The following PTK7 variants were observed in gnomAD, a reference collection of about 807,000 sequenced individuals.
The protein encoded by PTK7 is protein tyrosine kinase 7 (inactive).
A neutral mutation model predicts 116.6 loss-of-function variants in PTK7; 39 were observed. The observed-to-expected ratio is 0.33, with a 90% CI of 0.26 to 0.44. The LOEUF (loss-of-function observed/expected upper bound fraction) is 0.44. Among genes scored for constraint, PTK7 ranks in the 20% least tolerant of loss-of-function variants. PTK7 has a pLI of 1.00. For missense variants in PTK7, 1,169 were observed against 1,425.6 expected, an observed-to-expected ratio of 0.82 and a Z score of 2.90; for synonymous variants, 546 against 563.6, an observed-to-expected ratio of 0.97 and a Z score of 0.44.
At chr6:43,080,732 A>G (rs1388313126) in intron 1 of PTK7, among the ~76,000 whole-genome samples, 3 of 152,200 alleles carry the variant, frequency 2.0e-5, no homozygotes, top group Non-Finnish European at 4.4e-5. Flanking sequence ...ACCTGAGGTC[A>G]GGAGTTCAAG....
In PTK7 at chr6:43,076,951, AG is replaced by A. The variant is rs1057471649; in HGVS notation, c.79+386del. ...ACCGTGGGGAGCGCGATGGAGAAAA[AG>A]GAATTCCCCACCCCACCCGGCAGGG... On this transcript the variant is annotated intron_variant, in intron 1 of 19. Transcript: ENST00000230419. This position sits in a 1 kb window ranked among gnomAD's most constrained non-coding sequence, Gnocchi z 5.7. 114 of 1,511,992 alleles carry A rather than the reference AG, an allele frequency of 7.5e-5. No individual in the cohort carries two copies. The African/African-American group carries it at 1.4e-3, about 19-fold the overall frequency. 93.7% of individuals were successfully genotyped at this position (1,511,992 alleles called of 1,614,324 possible). A position where few individuals can be genotyped will look rare whatever the true frequency, so the allele number is the denominator to read the frequency against.
intron 17 of PTK7, among the ~76,000 whole-genome samples, chr6:43,157,866 A>G (rs890137866): frequency 2.6e-5 from 4 of 152,138 alleles, no homozygotes. Flanking sequence ...AGCTGGGATT[A>G]TAGGCATGTG....
chr6:43,143,926 A>G lies in PTK7; in HGVS notation c.2251+306A>G, dbSNP rs958412194. 1.3e-5 allele frequency among the ~76,000 whole-genome samples: 2 copies of G among 152,196 alleles called. No homozygotes were observed. The highest frequency in any genetic ancestry group is 4.8e-5 in the African/African-American group (2 of 41,446). On this transcript the variant is annotated intron_variant, in intron 14 of 19. Coordinates refer to ENST00000230419, the MANE Select transcript of PTK7 (RefSeq NM_002821.5). This position sits in a 1 kb window ranked among gnomAD's most constrained non-coding sequence, Gnocchi z 4.2. ...GTATATGTACACACGTTGCTGTTGC[A>G]TGTCTTGTCTCCCTCTATGAGTCTA...
Position 43,141,570 on chromosome 6 carries a change from G to C in PTK7, c.1619-98G>C, listed in dbSNP as rs905419139. ...ACTTTGCCTGTGGGTGGTCAGGAGC[G>C]ATGGTGTGTTTTTGAGTAGAGGTGA... On this transcript the variant is annotated intron_variant, in intron 10 of 19. Transcript: ENST00000230419. This position sits in a 1 kb window ranked among gnomAD's most constrained non-coding sequence, Gnocchi z 4.9. 9 of 1,413,132 alleles carry C rather than the reference G, an allele frequency of 6.4e-6. No individual in the cohort carries two copies. Among genetic ancestry groups the C allele is most frequent in the Admixed American group, 1.9e-5 (1 of 51,962 alleles). 87.5% of individuals were successfully genotyped at this position (1,413,132 alleles called of 1,614,324 possible).
intron 7 of PTK7, among the ~76,000 whole-genome samples, chr6:43,137,630 T>C (rs1284538945): frequency 6.6e-6 from 1 of 152,220 alleles, no homozygotes; most frequent in African/African-American, 2.4e-5. Flanking sequence ...GGTTGTGGAC[T>C]GGATGAGTGA....
chr6:43,102,482 G>A (rs1311443024), intron 1 of PTK7, among the ~76,000 whole-genome samples: 1 of 151,846 alleles, frequency 6.6e-6, no homozygotes, highest in Non-Finnish European at 1.5e-5. Flanking sequence ...CCAGCTACTT[G>A]GGAGACTGGG....
Position 43,141,850 on chromosome 6 carries a change from G to A in PTK7, c.1768+33G>A. On this transcript the variant is annotated intron_variant, in intron 11 of 19. Transcript: ENST00000230419. The surrounding 1 kb of genome is among the most constrained non-coding windows in gnomAD (Gnocchi z 4.9). ...CGTGGCAGGGCCCTGGGGCTGGGAG[G>A]GCCCTCTGGGGTAGCACCGTGTACC... The A allele has an allele frequency of 6.2e-7, 1 of 1,608,766 alleles. No homozygotes were observed.
At chr6:43,086,607 A>G (rs890413020) in intron 1 of PTK7, among the ~76,000 whole-genome samples, 1 of 152,132 alleles carries the variant, frequency 6.6e-6, no homozygotes, top group Admixed American at 6.5e-5. Context: ...GGCAGAGGCA[A>G]GTGGATCACT....
At chr6:43,105,450 C>CAAAAAAAAAA (rs34623759) in intron 1 of PTK7, among the ~76,000 whole-genome samples, 2 of 93,428 alleles carry the variant, frequency 2.1e-5, no homozygotes, top group Non-Finnish European at 2.1e-5. Context: ...AACTGTATAG[C>CAAAAAAAAAA]AAAAAAAAAA....
At chr6:43,132,939 A>G (rs1038015425) in intron 7 of PTK7, 3 of 595,704 alleles carry the variant, frequency 5.0e-6, no homozygotes, top group African/African-American at 1.9e-5. Flanking sequence ...GGAAAGAGCA[A>G]TAGACTAGGA....
chr6:43,076,637 C>T lies in PTK7; in HGVS notation c.79+70C>T. 1 of 1,493,458 alleles carries T rather than the reference C, an allele frequency of 6.7e-7. No homozygotes were observed. The highest frequency in any genetic ancestry group is 9.0e-7 in the Non-Finnish European group (1 of 1,117,104). The allele number at this position is 1,493,458 out of a possible 1,614,324, so 92.5% of individuals were successfully genotyped here. On this transcript the variant is annotated intron_variant, in intron 1 of 19. Coordinates refer to ENST00000230419, the MANE Select transcript of PTK7 (RefSeq NM_002821.5). This position sits in a 1 kb window ranked among gnomAD's most constrained non-coding sequence, Gnocchi z 5.7. ...AGTCCCGTGGGCAAAAGGCTGCGCC[C>T]GGGGCGGTGGGTTTGGGCGGCTGGA...
intron 7 of PTK7, among the ~76,000 whole-genome samples, chr6:43,137,402 AC>A (rs1167527257): frequency 6.6e-6 from 1 of 152,216 alleles, no homozygotes; most frequent in Non-Finnish European, 1.5e-5. Flanking sequence ...TAGAGAGAAG[AC>A]AAGGCTAGCT....
intron 1 of PTK7, among the ~76,000 whole-genome samples, chr6:43,116,676 G>A (rs1943768377): frequency 1.3e-5 from 2 of 149,048 alleles, no homozygotes; most frequent in Admixed American, 1.3e-4. Flanking sequence ...GCACGCATAT[G>A]GATACATGTA....
intron 3 of PTK7, 74 bp from the exon 4 acceptor site, chr6:43,130,156 C>A: frequency 7.0e-7 from 1 of 1,423,652 alleles, no homozygotes; most frequent in Non-Finnish European, 9.5e-7. Flanking sequence ...TAGCCCTGAC[C>A]CTCTGATACT....
At chr6:43,133,293 G>A (rs762444863) in intron 7 of PTK7, 1 of 153,710 alleles carries the variant, frequency 6.5e-6, no homozygotes, top group Non-Finnish European at 1.4e-5. Context: ...CTTTATATCA[G>A]GCTGGGCGCG....
At chr6:43,106,039 C>T (rs1052617495) in intron 1 of PTK7, among the ~76,000 whole-genome samples, 1 of 152,160 alleles carries the variant, frequency 6.6e-6, no homozygotes, top group African/African-American at 2.4e-5. Flanking sequence ...AGTCCATTTC[C>T]TACCCTAGCA....
chr6:43,138,926 C>G lies in PTK7; in HGVS notation c.1306C>G (p.Gln436Glu). 1 of 1,614,182 alleles carries G rather than the reference C, an allele frequency of 6.2e-7. No homozygotes were observed. The highest frequency in any genetic ancestry group is 1.1e-5 in the South Asian group (1 of 91,082). ...GKPGYLDCLT[Q>E]ATPKPTVVWY... ...ACCCGGCTACTTGGATTGCCTGACC[C>G]AGGCCACACCAAAACCTACAGTTGT... The change falls in exon 8 of 20, where the codon CAG becomes GAG. Residue 436 changes from glutamine to glutamate, a missense_variant. Around this residue, in one of 3 missense-constraint regions of PTK7, gnomAD observed 678 missense variants for 853.8 expected, o/e 0.79. Transcript: ENST00000230419.
At chr6:43,159,087 G>A in intron 18 of PTK7, 119 bp downstream of exon 18, 1 of 1,319,858 alleles carries the variant, frequency 7.6e-7, no homozygotes, top group Non-Finnish European at 1.0e-6. Flanking sequence ...CAAAGCTGGA[G>A]GGCCTGGGAT....
At chr6:43,103,487 A>G (rs773971082) in intron 1 of PTK7, among the ~76,000 whole-genome samples, 1 of 150,048 alleles carries the variant, frequency 6.7e-6, no homozygotes, top group African/African-American at 2.5e-5. Context: ...GTAGCCACCT[A>G]TAAAAAATGT....
Sources: gnomAD v4.1 joint callset for allele counts (sites outside exome capture counted in the v4.1 genomes callset) on GRCh38, gnomAD v4.1.1 for gene constraint, gnomAD v4.1.1 regional missense constraint, Gnocchi (gnomAD v3.1) non-coding constraint, MANE v1.5 for transcripts, NCBI Gene and HGNC (gene_info 2026-07-23, HGNC 2026-07-21) for gene names.